CNTN4: variants seen among roughly 807,000 people sequenced by gnomAD.
CNTN4 encodes the protein contactin 4.
CNTN4 carries 77 observed loss-of-function variants against 122.5 expected under a neutral mutation model. That is an observed-to-expected ratio of 0.63 (90% CI 0.52 to 0.76). CNTN4 has a LOEUF of 0.76. Ranked by LOEUF, CNTN4 falls within the 30% of genes least tolerant of loss-of-function variation. The pLI, the probability that CNTN4 is intolerant of heterozygous loss-of-function variation, is 0.00. For missense variants in CNTN4, 1,256 were observed against 1,259.1 expected, an observed-to-expected ratio of 1.00 and a Z score of 0.04; for synonymous variants, 512 against 447.0, an observed-to-expected ratio of 1.15 and a Z score of -1.83.
chr3:2,624,577 A>C (rs2082110854), intron 4 of CNTN4, among the ~76,000 whole-genome samples: 1 of 151,472 alleles, frequency 6.6e-6, no homozygotes, highest in South Asian at 2.1e-4. Context: ...TATACAGATA[A>C]AGTTTGCAAT....
chr3:2,345,876 T>A (rs1285635778), intron 3 of CNTN4, among the ~76,000 whole-genome samples: 1 of 152,178 alleles, frequency 6.6e-6, no homozygotes, highest in African/African-American at 2.4e-5. Flanking sequence ...GGCGTGATCC[T>A]CTTTTTATTC....
At chr3:2,224,547 T>C (rs1442299550) in intron 2 of CNTN4, among the ~76,000 whole-genome samples, 1 of 152,162 alleles carries the variant, frequency 6.6e-6, no homozygotes, top group Non-Finnish European at 1.5e-5. Context: ...TTGTCATATA[T>C]TTTTGCCATG....
intron 3 of CNTN4, among the ~76,000 whole-genome samples, chr3:2,514,311 G>A (rs1575816218): frequency 6.6e-6 from 1 of 152,092 alleles, no homozygotes; most frequent in Admixed American, 6.6e-5. Context: ...AAGGAATGCA[G>A]TTCTGTGAAC....
chr3:2,777,368 G>A (rs894230736), intron 6 of CNTN4, among the ~76,000 whole-genome samples: 5 of 152,122 alleles, frequency 3.3e-5, no homozygotes, highest in African/African-American at 9.7e-5. Flanking sequence ...ACCCATCTAC[G>A]GCTCTCCAAC....
chr3:2,449,614 CA>C lies in CNTN4; in HGVS notation c.-89+110401del, dbSNP rs34181793. 9.3e-3 allele frequency among the ~76,000 whole-genome samples: 1,176 copies of C among 125,988 alleles called. 5 individuals are homozygous for C. The highest frequency in any genetic ancestry group is 0.012 in the Non-Finnish European group (683 of 58,456). The allele number at this position is 125,988 out of a possible 152,430, so 82.7% of individuals were successfully genotyped here. A position where few individuals can be genotyped will look rare whatever the true frequency, so the allele number is the denominator to read the frequency against. On this transcript the variant is annotated intron_variant, in intron 3 of 24. Coordinates refer to ENST00000418658, the MANE Select transcript of CNTN4 (RefSeq NM_175607.3). ...TGGGTGACAGAGCAAGACTCCATCT[CA>C]AAAAAAAAAAAAAAAAAAATGCAGA...
intron 3 of CNTN4, among the ~76,000 whole-genome samples, chr3:2,556,203 G>A (rs2078714612): frequency 6.6e-6 from 1 of 152,158 alleles, no homozygotes; most frequent in Non-Finnish European, 1.5e-5. Flanking sequence ...GCTAGCCTGA[G>A]TTTTATACCT....
At chr3:2,846,146 G>C (rs2093451960) in intron 7 of CNTN4, among the ~76,000 whole-genome samples, 1 of 152,134 alleles carries the variant, frequency 6.6e-6, no homozygotes, top group Non-Finnish European at 1.5e-5. Flanking sequence ...AATCTGCCCA[G>C]CATTTTCAAC....
intron 3 of CNTN4, among the ~76,000 whole-genome samples, chr3:2,472,737 C>A (rs2075723415): frequency 6.6e-6 from 1 of 152,174 alleles, no homozygotes; most frequent in Non-Finnish European, 1.5e-5. Flanking sequence ...TGCAAGATTT[C>A]TCCCAGAAAA....
chr3:2,147,534 A>G lies in CNTN4; in HGVS notation c.-145+46895A>G, dbSNP rs546822658. Reference sequence around the variant, plus strand: ...ATGACCACCTATTGTAACATCTTCCAACACATATTTCCCCCTCTTTCCCGT... The same window carrying G: ...ATGACCACCTATTGTAACATCTTCCGACACATATTTCCCCCTCTTTCCCGT... On this transcript the variant is annotated intron_variant, in intron 2 of 24. Transcript: ENST00000418658. Among the ~76,000 whole-genome samples the G allele has an allele frequency of 2.0e-5, 3 of 152,236 alleles. No homozygotes were observed. In the South Asian group the frequency reaches 6.2e-4, roughly 32 times the overall value.
intron 3 of CNTN4, among the ~76,000 whole-genome samples, chr3:2,542,680 T>C (rs1230702158): frequency 6.6e-6 from 1 of 152,138 alleles, no homozygotes; most frequent in African/African-American, 2.4e-5. Context: ...ATGAGGCTTC[T>C]GTCATCATAG....
At chr3:2,159,237 C>T (rs370127026) in intron 2 of CNTN4, among the ~76,000 whole-genome samples, 4 of 152,206 alleles carry the variant, frequency 2.6e-5, no homozygotes, top group African/African-American at 9.6e-5. Context: ...ACATTGCTCT[C>T]TTAAGTATTT....
In CNTN4 at chr3:2,238,086, G is replaced by C. The variant is rs141409778; in HGVS notation, c.-144-101092G>C. Among the ~76,000 whole-genome samples the C allele has an allele frequency of 3.5e-3, 526 of 152,034 alleles. 3 individuals are homozygous for C. Among genetic ancestry groups the C allele is most frequent in the South Asian group, 7.1e-3 (34 of 4,818 alleles). On this transcript the variant is annotated intron_variant, in intron 2 of 24. Coordinates refer to ENST00000418658, the MANE Select transcript of CNTN4 (RefSeq NM_175607.3). Reference sequence around the variant, plus strand: ...TGACTAAAGAAAAAAAAAAGTCCAGGTTTATTCCTCATTGTAAAATTCACT... The same window carrying C: ...TGACTAAAGAAAAAAAAAAGTCCAGCTTTATTCCTCATTGTAAAATTCACT...
intron 4 of CNTN4, among the ~76,000 whole-genome samples, chr3:2,654,576 T>C (rs957606058): frequency 1.3e-5 from 2 of 152,206 alleles, no homozygotes; most frequent in Admixed American, 6.5e-5. Context: ...AATGGTGTTA[T>C]TCTTTCTCAA....
intron 23 of CNTN4, among the ~76,000 whole-genome samples, chr3:3,047,223 CAG>C (rs961300210): frequency 9.9e-5 from 15 of 152,018 alleles, no homozygotes; most frequent in African/African-American, 3.4e-4. Context: ...ATCAACGAGA[CAG>C]AAAGTTAACA....
At chr3:2,294,077 T>G (rs977966819) in intron 2 of CNTN4, among the ~76,000 whole-genome samples, 2 of 152,188 alleles carry the variant, frequency 1.3e-5, no homozygotes, top group African/African-American at 4.8e-5. Context: ...CCTAGCTTGT[T>G]CCCATGGTGG....
chr3:2,802,786 C>A (rs948760581), intron 6 of CNTN4, among the ~76,000 whole-genome samples: 2 of 152,090 alleles, frequency 1.3e-5, no homozygotes, highest in African/African-American at 4.8e-5. Context: ...CAGTATGGTG[C>A]TGAGGCTGAA....
At chr3:2,620,271 A>G (rs2081943984) in intron 4 of CNTN4, among the ~76,000 whole-genome samples, 2 of 152,154 alleles carry the variant, frequency 1.3e-5, no homozygotes, top group Non-Finnish European at 2.9e-5. Flanking sequence ...AAGCTGAGGT[A>G]GGTGGATTGC....
intron 7 of CNTN4, among the ~76,000 whole-genome samples, chr3:2,855,064 A>C (rs768847524): frequency 6.6e-6 from 1 of 152,252 alleles, no homozygotes; most frequent in African/African-American, 2.4e-5. Flanking sequence ...TTCAGGATTT[A>C]ACTGGTCACC....
intron 14 of CNTN4, among the ~76,000 whole-genome samples, chr3:3,015,797 C>G (rs1025234694): frequency 3.9e-5 from 6 of 152,230 alleles, no homozygotes; most frequent in Non-Finnish European, 8.8e-5. Context: ...GTCCTTGCCT[C>G]AAGGTGTACA....
Sources: gnomAD v4.1 joint callset for allele counts (sites outside exome capture counted in the v4.1 genomes callset) on GRCh38, gnomAD v4.1.1 for gene constraint, MANE v1.5 for transcripts, NCBI Gene and HGNC (gene_info 2026-07-23, HGNC 2026-07-21) for gene names.